Variants in FRMD4B observed in about 807,000 individuals in gnomAD.
FRMD4B encodes FERM domain containing 4B, also known as FERM domain-containing protein 4B.
A neutral mutation model predicts 141.5 loss-of-function variants in FRMD4B; 74 were observed. The ratio of observed to expected loss-of-function variants is 0.52; its 90% CI spans 0.43 to 0.63. The LOEUF is 0.63. FRMD4B is among the 30% of genes least tolerant of loss of function. FRMD4B has a pLI of 0.00. For synonymous variants in FRMD4B, 506 were observed against 467.9 expected, an observed-to-expected ratio of 1.08 and a Z score of -1.05; for missense variants, 1,366 against 1,253.4, an observed-to-expected ratio of 1.09 and a Z score of -1.36.
intron 3 of FRMD4B, among the ~76,000 whole-genome samples, chr3:69,303,446 TAAAC>T (rs546008555): frequency 2.2e-4 from 33 of 152,232 alleles, no homozygotes; most frequent in African/African-American, 5.3e-4. Flanking sequence ...TTTTAAAAAT[TAAAC>T]AAAGAACAAA....
At chr3:69,441,320 C>CA (rs371862399) in intron 1 of FRMD4B, among the ~76,000 whole-genome samples, 68 of 151,958 alleles carry the variant, frequency 4.5e-4, no homozygotes, top group African/African-American at 1.4e-3. Flanking sequence ...TTTATGTACT[C>CA]AAACATACCA....
intron 13 of FRMD4B, chr3:69,196,606 T>C (rs1054683599): frequency 3.6e-5 from 21 of 585,494 alleles, no homozygotes; most frequent in Non-Finnish European, 5.9e-5. Context: ...GATTTTCTCA[T>C]GGTGTGGTTC....
intron 11 of FRMD4B, among the ~76,000 whole-genome samples, chr3:69,201,679 G>A (rs978689068): frequency 1.3e-5 from 2 of 152,154 alleles, no homozygotes; most frequent in African/African-American, 4.8e-5. Context: ...TTCTCCTACT[G>A]TGTTTTTTAT....
chr3:69,455,226 G>A (rs183753174), intron 1 of FRMD4B, among the ~76,000 whole-genome samples: 1 of 152,310 alleles, frequency 6.6e-6, no homozygotes, highest in African/African-American at 2.4e-5. Context: ...ATGTGGGTGG[G>A]GTCAGCTAAG....
chr3:69,362,348 G>A (rs771641030), intron 1 of FRMD4B, among the ~76,000 whole-genome samples: 7 of 152,170 alleles, frequency 4.6e-5, no homozygotes, highest in Non-Finnish European at 1.0e-4. Flanking sequence ...CCAAATTTCA[G>A]GCTCTTGACT....
intron 1 of FRMD4B, among the ~76,000 whole-genome samples, chr3:69,384,817 C>CA (rs1704209822): frequency 6.6e-6 from 1 of 152,056 alleles, no homozygotes; most frequent in African/African-American, 2.4e-5. Flanking sequence ...TATGGTTTGT[C>CA]AAAATCAAGT....
chr3:69,207,562 C>A (rs1177518428), intron 11 of FRMD4B, among the ~76,000 whole-genome samples: 1 of 152,098 alleles, frequency 6.6e-6, no homozygotes. Flanking sequence ...GTAATCCCAG[C>A]ACTTTGGGAG....
chr3:69,300,703 C>A (rs1701185402), intron 4 of FRMD4B, among the ~76,000 whole-genome samples: 1 of 152,144 alleles, frequency 6.6e-6, no homozygotes. Flanking sequence ...GATGAAAGTG[C>A]AAGGATGTTA....
At chr3:69,193,599 GA>G (rs1405902410) in intron 17 of FRMD4B, 48 bp downstream of exon 17, 1 of 971,682 alleles carries the variant, frequency 1.0e-6, no homozygotes, top group Non-Finnish European at 1.6e-6. Context: ...TATATACCAT[GA>G]AGTACTGAGT....
At chr3:69,485,654 C>T (rs898709669) in intron 1 of FRMD4B, among the ~76,000 whole-genome samples, 5 of 152,232 alleles carry the variant, frequency 3.3e-5, no homozygotes, top group African/African-American at 9.6e-5. Context: ...CCAGCCCCCT[C>T]ACAGCCTGGG....
intron 1 of FRMD4B, among the ~76,000 whole-genome samples, chr3:69,328,502 T>C (rs1383852623): frequency 6.6e-6 from 1 of 152,152 alleles, no homozygotes; most frequent in Non-Finnish European, 1.5e-5. Flanking sequence ...GGCTGAGACC[T>C]ACTGGGCTGC....
chr3:69,290,944 G>A (rs1307212182), intron 4 of FRMD4B, among the ~76,000 whole-genome samples: 1 of 152,124 alleles, frequency 6.6e-6, no homozygotes, highest in Non-Finnish European at 1.5e-5. Flanking sequence ...AGTAATTGTG[G>A]GCGTCTCAAC....
chr3:69,393,731 T>C (rs1704429075), intron 2 of FRMD4B, among the ~76,000 whole-genome samples: 1 of 152,204 alleles, frequency 6.6e-6, no homozygotes, highest in Non-Finnish European at 1.5e-5. Flanking sequence ...AAAAAAGTCA[T>C]AAATTGGTCT....
At chr3:69,350,597 G>A (rs974090176) in intron 1 of FRMD4B, among the ~76,000 whole-genome samples, 2 of 152,086 alleles carry the variant, frequency 1.3e-5, no homozygotes, top group African/African-American at 4.8e-5. Flanking sequence ...GTGATAGACT[G>A]GATTAAGAAA....
intron 5 of FRMD4B, among the ~76,000 whole-genome samples, chr3:69,280,831 C>T (rs1288127781): frequency 6.6e-6 from 1 of 152,022 alleles, no homozygotes; most frequent in East Asian, 1.9e-4. Flanking sequence ...GTTGCCCAGA[C>T]TGGTTTTGAA....
chr3:69,413,654 G>GCA (rs1219270776), intron 2 of FRMD4B, among the ~76,000 whole-genome samples: 2 of 152,188 alleles, frequency 1.3e-5, no homozygotes, highest in East Asian at 3.9e-4. Context: ...GAATTAGCAA[G>GCA]GTTTCCCATT....
intron 1 of FRMD4B, among the ~76,000 whole-genome samples, chr3:69,338,004 A>T (rs1168558270): frequency 1.3e-5 from 2 of 152,226 alleles, no homozygotes; most frequent in Non-Finnish European, 2.9e-5. Flanking sequence ...AGACACATGC[A>T]CACGTATGTT....
At chr3:69,516,062 A>C (rs1204904002) in intron 1 of FRMD4B, among the ~76,000 whole-genome samples, 2 of 152,008 alleles carry the variant, frequency 1.3e-5, no homozygotes, top group Non-Finnish European at 2.9e-5. Flanking sequence ...CCATCTCTAC[A>C]AAAAATTAAA....
intron 11 of FRMD4B, among the ~76,000 whole-genome samples, chr3:69,211,022 C>CAAAAAAAAAAAAAA (rs1559720205): frequency 2.4e-3 from 8 of 3,362 alleles, no homozygotes; most frequent in African/African-American, 4.7e-3. Context: ...AATGCCATCT[C>CAAAAAAAAAAAAAA]GAAAAAAAAA....
Sources: allele counts gnomAD v4.1 joint callset (sites outside exome capture counted in the v4.1 genomes callset), GRCh38; gene constraint gnomAD v4.1.1; transcripts MANE v1.5; gene names NCBI Gene and HGNC (gene_info 2026-07-23, HGNC 2026-07-21).